Variants in ZNF536 observed in about 807,000 individuals in gnomAD.
ZNF536 encodes the protein zinc finger protein 536.
ZNF536 carries 13 observed loss-of-function variants against 84.5 expected under a neutral mutation model. That is an observed-to-expected ratio of 0.15 (90% CI 0.10 to 0.24). The LOEUF (loss-of-function observed/expected upper bound fraction) is 0.24. Among genes scored for constraint, ZNF536 ranks in the 10% least tolerant of loss-of-function variants. The probability of loss-of-function intolerance (pLI) is 1.00; values close to 1 mark genes in which losing one functional copy is unlikely to be tolerated. For missense variants in ZNF536, 1,536 were observed against 1,747.5 expected, an observed-to-expected ratio of 0.88 and a Z score of 2.16; for synonymous variants, 811 against 742.5, an observed-to-expected ratio of 1.09 and a Z score of -1.50.
At chr19:30,654,744 G>A (rs1224753264) in intron 1 of ZNF536, among the ~76,000 whole-genome samples, 1 of 152,024 alleles carries the variant, frequency 6.6e-6, no homozygotes, top group East Asian at 1.9e-4. Context: ...CCAGTGCCCT[G>A]GAAGGCTGGT....
intron 1 of ZNF536, among the ~76,000 whole-genome samples, chr19:30,599,080 C>A (rs1451346530): frequency 7.5e-6 from 1 of 133,632 alleles, no homozygotes; most frequent in Non-Finnish European, 1.6e-5. Flanking sequence ...TCCCTGTTTC[C>A]TCTTTCCCTC....
At chr19:30,327,907 A>C (rs759105268) in intron 2 of ZNF536, among the ~76,000 whole-genome samples, 16 of 152,208 alleles carry the variant, frequency 1.1e-4, no homozygotes, top group African/African-American at 3.6e-4. Context: ...TATATTACCC[A>C]GTCAGTAGAA....
Position 30,444,877 on chromosome 19 carries a change from A to C in ZNF536, c.1315A>C (p.Met439Leu), listed in dbSNP as rs2148202042. 6.2e-7 allele frequency: 1 copy of C among 1,612,862 alleles called. No homozygotes were observed. Among genetic ancestry groups the C allele is most frequent in the Non-Finnish European group, 8.5e-7 (1 of 1,179,646 alleles). ...RYLSCLQSGF[M>L]TPDKAGLSEP... ...CCTCTCCTGCCTGCAGAGTGGCTTC[A>C]TGACCCCGGACAAAGCCGGCCTGAG... is the stretch of plus-strand genomic sequence containing the variant. The change falls in exon 2 of 5, where the codon ATG (methionine) becomes CTG (leucine). Residue 439 changes from methionine to leucine, a missense_variant. Coordinates refer to ENST00000355537, the MANE Select transcript of ZNF536 (RefSeq NM_014717.3).
At chr19:30,533,262 T>C (rs113684410) in intron 2 of ZNF536, among the ~76,000 whole-genome samples, 3,697 of 152,278 alleles carry the variant, frequency 0.024, 155 homozygotes, top group African/African-American at 0.086. Flanking sequence ...GGCTTATGCC[T>C]ATAATCCTAG....
chr19:30,578,079 C>G (rs886170087), intron 1 of ZNF536, among the ~76,000 whole-genome samples: 3 of 152,202 alleles, frequency 2.0e-5, no homozygotes, highest in African/African-American at 7.2e-5. Context: ...TAACTGCCTC[C>G]TGGTTCTTTT....
At chr19:30,318,293 G>A (rs1428977136) in intron 2 of ZNF536, among the ~76,000 whole-genome samples, 1 of 152,188 alleles carries the variant, frequency 6.6e-6, no homozygotes, top group Non-Finnish European at 1.5e-5. Context: ...AAGATGGGGT[G>A]ATATCAAACC....
chr19:30,664,258 CT>C (rs2050238640), intron 1 of ZNF536, among the ~76,000 whole-genome samples: 1 of 146,848 alleles, frequency 6.8e-6, no homozygotes, highest in Non-Finnish European at 1.5e-5. Flanking sequence ...CTCTCTCTCT[CT>C]CTCCCTCTCC....
chr19:30,246,269 G>A (rs1343858205), intron 1 of ZNF536, among the ~76,000 whole-genome samples: 3 of 152,204 alleles, frequency 2.0e-5, no homozygotes, highest in African/African-American at 7.2e-5. Context: ...TTCTGAGAGT[G>A]TTGGGATTGT....
chr19:30,254,708 A>T (rs561092909), intron 1 of ZNF536, among the ~76,000 whole-genome samples: 15 of 152,276 alleles, frequency 9.9e-5, no homozygotes, highest in Admixed American at 3.3e-4. Flanking sequence ...GAGATTGGGA[A>T]GTAGCAAAGT....
chr19:30,226,313 G>A (rs542506032), upstream of ZNF536, among the ~76,000 whole-genome samples: 189 of 152,320 alleles, frequency 1.2e-3, 1 homozygote, highest in Admixed American at 1.7e-3. The surrounding 1 kb of genome is among the most constrained non-coding windows in gnomAD (Gnocchi z 4.6). Context: ...CCTGGGACGG[G>A]GGTTCGCCTT....
At chr19:30,255,255 C>T (rs2024850595) in intron 1 of ZNF536, among the ~76,000 whole-genome samples, 1 of 151,990 alleles carries the variant, frequency 6.6e-6, no homozygotes, top group Non-Finnish European at 1.5e-5. Context: ...TCGGTGGGAA[C>T]ATATGGCTTT....
At chr19:30,306,497 C>T (rs1016024273) in intron 2 of ZNF536, among the ~76,000 whole-genome samples, 6 of 152,192 alleles carry the variant, frequency 3.9e-5, no homozygotes, top group African/African-American at 1.4e-4. Flanking sequence ...GTTGATAGAG[C>T]TAATGAAAGC....
At chr19:30,467,158 G>A (rs937616834) in intron 2 of ZNF536, among the ~76,000 whole-genome samples, 12 of 152,104 alleles carry the variant, frequency 7.9e-5, no homozygotes, top group African/African-American at 2.9e-4. Context: ...TTAAGAGCAC[G>A]ATTTGTGGTA....
At chr19:30,289,652 C>G (rs2045767231) in intron 2 of ZNF536, among the ~76,000 whole-genome samples, 1 of 152,172 alleles carries the variant, frequency 6.6e-6, no homozygotes, top group Non-Finnish European at 1.5e-5. Context: ...GAGTGGGTGC[C>G]TGGTAAATAC....
chr19:30,538,029 A>G (rs906573848), intron 3 of ZNF536, among the ~76,000 whole-genome samples: 1 of 152,244 alleles, frequency 6.6e-6, no homozygotes, highest in Non-Finnish European at 1.5e-5. Context: ...CCAAATAAAC[A>G]TCTATTATGA....
At chr19:30,517,524 A>G (rs1009438467) in intron 2 of ZNF536, among the ~76,000 whole-genome samples, 1 of 152,188 alleles carries the variant, frequency 6.6e-6, no homozygotes, top group Non-Finnish European at 1.5e-5. Context: ...TCTCAGGAGA[A>G]GCTGGAAATG....
intron 4 of ZNF536, among the ~76,000 whole-genome samples, chr19:30,551,769 G>A (rs754163369): frequency 2.0e-5 from 3 of 152,126 alleles, no homozygotes; most frequent in African/African-American, 4.8e-5. Context: ...CATTTCTTCT[G>A]TGTCCTCTTG....
In ZNF536 at chr19:30,443,988, C is replaced by T. The variant is rs1220252542; in HGVS notation, c.426C>T (p.Asn142=). 2.5e-6 allele frequency: 4 copies of T among 1,613,818 alleles called. No individual in the cohort carries two copies. The highest frequency in any genetic ancestry group is 2.5e-6 in the Non-Finnish European group (3 of 1,180,028). The change falls in exon 2 of 5, where the codon AAC becomes AAT. Residue 142 remains asparagine (N), a synonymous_variant. Transcript: ENST00000355537. ...TCTGCGGCAAGCGCTTCCGCTTCAA[C>T]AGCATCCTCTCCCTGCACATGCGCA... ...CPLCGKRFRF[N]SILSLHMRTH...
At chr19:30,636,313 A>G (rs1227644827) in intron 1 of ZNF536, among the ~76,000 whole-genome samples, 1 of 152,118 alleles carries the variant, frequency 6.6e-6, no homozygotes, top group Non-Finnish European at 1.5e-5. Context: ...ATGGGTGATC[A>G]TCTCCCCCAT....
Sources: allele counts gnomAD v4.1 joint callset (sites outside exome capture counted in the v4.1 genomes callset), GRCh38; gene constraint gnomAD v4.1.1; non-coding constraint Gnocchi (gnomAD v3.1); transcripts MANE v1.5; gene names NCBI Gene and HGNC (gene_info 2026-07-23, HGNC 2026-07-21).